The following REEP3 variants were observed in gnomAD, a reference collection of about 807,000 sequenced individuals.
The protein encoded by REEP3 is receptor accessory protein 3, also known as receptor expression-enhancing protein 3.
REEP3 carries 20 observed loss-of-function variants against 41.3 expected under a neutral mutation model. That is an observed-to-expected ratio of 0.48 (90% CI 0.34 to 0.70). REEP3 has a LOEUF of 0.70. Among genes scored for constraint, REEP3 ranks in the 30% least tolerant of loss-of-function variants. The pLI is 0.01. For missense variants in REEP3, 271 were observed against 308.8 expected, an observed-to-expected ratio of 0.88 and a Z score of 0.92; for synonymous variants, 104 against 101.8, an observed-to-expected ratio of 1.02 and a Z score of -0.13.
At chr10:63,601,792 G>A (rs1428728760) in intron 5 of REEP3, among the ~76,000 whole-genome samples, 1 of 152,020 alleles carries the variant, frequency 6.6e-6, no homozygotes, top group African/African-American at 2.4e-5. Context: ...ATGGTGGTGG[G>A]CACCTGTAGT....
chr10:63,605,100 A>G (rs1339220362), intron 5 of REEP3, among the ~76,000 whole-genome samples: 1 of 152,216 alleles, frequency 6.6e-6, no homozygotes, highest in East Asian at 1.9e-4. Context: ...AAAAATAGCA[A>G]GAGTGTTAAG....
intron 6 of REEP3, among the ~76,000 whole-genome samples, chr10:63,617,414 A>AT (rs961581461): frequency 2.6e-5 from 4 of 152,074 alleles, no homozygotes; most frequent in African/African-American, 9.7e-5. Flanking sequence ...CATGTATTCA[A>AT]TTTTTTTAAT....
chr10:63,598,483 C>A (rs75643280), intron 4 of REEP3, among the ~76,000 whole-genome samples: 614 of 65,654 alleles, frequency 9.4e-3, no homozygotes, highest in South Asian at 0.015. Context: ...GACTCCATCT[C>A]AAAAAAAAAA....
At chr10:63,550,263 G>T (rs891817014) in intron 1 of REEP3, among the ~76,000 whole-genome samples, 3 of 152,186 alleles carry the variant, frequency 2.0e-5, no homozygotes, top group African/African-American at 7.2e-5. Context: ...AGTGATAGAA[G>T]TGAAGAATCT....
chr10:63,550,842 T>G (rs149304425), intron 1 of REEP3, among the ~76,000 whole-genome samples: 6 of 152,206 alleles, frequency 3.9e-5, no homozygotes, highest in African/African-American at 9.6e-5. Flanking sequence ...TAAAAATATA[T>G]AGAGATACAG....
At chr10:63,528,895 G>A (rs1231788100) in intron 1 of REEP3, among the ~76,000 whole-genome samples, 5 of 152,040 alleles carry the variant, frequency 3.3e-5, no homozygotes, top group Admixed American at 2.6e-4. Context: ...TTCCTTCCCC[G>A]CTCCGTTGTC....
intron 2 of REEP3, among the ~76,000 whole-genome samples, chr10:63,586,256 G>C (rs1016859417): frequency 6.6e-5 from 10 of 152,132 alleles, no homozygotes; most frequent in African/African-American, 2.4e-4. Flanking sequence ...CTTTATAAAA[G>C]CCTTATGGAT....
chr10:63,570,410 T>C (rs1455875989), intron 2 of REEP3, among the ~76,000 whole-genome samples: 1 of 152,234 alleles, frequency 6.6e-6, no homozygotes, highest in Admixed American at 6.5e-5. Context: ...TATCTGTACA[T>C]AATTTTGCAG....
intron 1 of REEP3, among the ~76,000 whole-genome samples, chr10:63,547,887 C>CT (rs1222605556): frequency 1.3e-5 from 2 of 152,180 alleles, no homozygotes; most frequent in Non-Finnish European, 2.9e-5. Flanking sequence ...ACTACAAACA[C>CT]TAACAACTCA....
intron 1 of REEP3, among the ~76,000 whole-genome samples, chr10:63,547,500 G>A (rs1488291092): frequency 6.6e-6 from 1 of 152,100 alleles, no homozygotes; most frequent in Non-Finnish European, 1.5e-5. Context: ...AAGAAACATA[G>A]GAAAAGGTGC....
intron 2 of REEP3, among the ~76,000 whole-genome samples, chr10:63,572,016 T>A (rs1006463349): frequency 3.3e-5 from 5 of 152,154 alleles, no homozygotes; most frequent in Admixed American, 3.3e-4. Flanking sequence ...AAGCTGGACG[T>A]TCGGGGGCCA....
chr10:63,599,753 T>C (rs1283882286), intron 5 of REEP3: 6 of 919,296 alleles, frequency 6.5e-6, no homozygotes, highest in Non-Finnish European at 7.8e-6. Flanking sequence ...AAGTCTGTTC[T>C]TAAAACTTGG....
At chr10:63,560,053 T>A (rs1007853734) in intron 1 of REEP3, among the ~76,000 whole-genome samples, 1 of 152,114 alleles carries the variant, frequency 6.6e-6, no homozygotes, top group South Asian at 2.1e-4. Flanking sequence ...TAAAATATTG[T>A]TTTTAAAATG....
intron 2 of REEP3, 63 bp from the exon 3 acceptor site, chr10:63,594,715 A>G: frequency 1.0e-6 from 1 of 963,848 alleles, no homozygotes; most frequent in Non-Finnish European, 1.7e-6. Context: ...ACATACATAC[A>G]TATTATTCAG....
At chr10:63,554,899 G>C (rs900360778) in intron 1 of REEP3, among the ~76,000 whole-genome samples, 1 of 152,074 alleles carries the variant, frequency 6.6e-6, no homozygotes, top group Admixed American at 6.6e-5. Flanking sequence ...TTTTTTGTTG[G>C]GGTCTACCAC....
intron 1 of REEP3, among the ~76,000 whole-genome samples, chr10:63,528,186 T>C (rs1162078705): frequency 6.6e-6 from 1 of 152,180 alleles, no homozygotes; most frequent in Non-Finnish European, 1.5e-5. Context: ...GCTGCGTTCT[T>C]TGCTCCACGT....
chr10:63,539,279 T>G (rs1471515018), intron 1 of REEP3, among the ~76,000 whole-genome samples: 1 of 152,194 alleles, frequency 6.6e-6, no homozygotes, highest in Admixed American at 6.5e-5. Flanking sequence ...TTGGTAACAT[T>G]TAATCTGTCA....
chr10:63,612,489 A>C (rs1477013693), intron 6 of REEP3, among the ~76,000 whole-genome samples: 1 of 152,042 alleles, frequency 6.6e-6, no homozygotes, highest in Non-Finnish European at 1.5e-5. Flanking sequence ...GCATTTCTTA[A>C]TATGCATTTA....
At chr10:63,598,176 T>C in intron 4 of REEP3, 32 bp downstream of exon 4, 3 of 1,494,348 alleles carry the variant, frequency 2.0e-6, no homozygotes, top group Non-Finnish European at 2.7e-6. Context: ...CGTAAATAAT[T>C]TTTTAGAAAT....
Sources: gnomAD v4.1 joint callset for allele counts (sites outside exome capture counted in the v4.1 genomes callset) on GRCh38, gnomAD v4.1.1 for gene constraint, MANE v1.5 for transcripts, NCBI Gene and HGNC (gene_info 2026-07-23, HGNC 2026-07-21) for gene names.